ACP7: variants seen among roughly 807,000 people sequenced by gnomAD.
ACP7 encodes the protein acid phosphatase type 7.
In ACP7, 58 loss-of-function variants were observed where a neutral mutation model predicts 60.6. The observed-to-expected ratio is 0.96, with a 90% CI of 0.77 to 1.19. The LOEUF is 1.19. Among genes scored for constraint, ACP7 ranks in the 50% most tolerant of loss-of-function variants. The pLI, the probability that ACP7 is intolerant of heterozygous loss-of-function variation, is 0.00. For synonymous variants in ACP7, 237 were observed against 232.6 expected (o/e 1.02, Z -0.17); for missense variants, 574 against 596.2 (o/e 0.96, Z 0.39).
intron 1 of ACP7, 50 bp from the exon 2 acceptor site, chr19:39,085,033 GGCTCAGAGA>G: frequency 2.1e-6 from 1 of 484,352 alleles, no homozygotes; most frequent in Non-Finnish European, 3.6e-6. Context: ...CTGTGAGTGA[GGCTCAGAGA>G]GCTCTGCTGC....
chr19:39,109,577 T>C (rs535740691), intron 12 of ACP7, among the ~76,000 whole-genome samples: 1 of 150,504 alleles, frequency 6.6e-6, no homozygotes, highest in Non-Finnish European at 1.5e-5. Flanking sequence ...TGGTGGTGCA[T>C]GCCTGTAATC....
In ACP7 at chr19:39,098,550, C is replaced by A. The variant is rs2073297822; in HGVS notation, c.214C>A (p.Leu72Ile). The A allele has an allele frequency of 6.2e-7, 1 of 1,613,116 alleles. No homozygotes were observed. The highest frequency in any genetic ancestry group is 2.2e-5 in the East Asian group (1 of 44,860). The change falls in exon 3 of 13, where the codon CTC becomes ATC. Residue 72 changes from leucine to isoleucine, a missense_variant. Coordinates refer to ENST00000331256, the MANE Select transcript of ACP7 (RefSeq NM_001004318.3). The stretch of plus-strand genomic sequence containing the variant: ...GTTGCAGCCGTCGGGGCCCCTGCCC[C>A]TCCGCGCCCAGGGCACCTTCGTCCC... ...FGLQPSGPLP[L>I]RAQGTFVPFV... is the part of the protein sequence containing the mutation.
At position 39,086,384 on chromosome 19, in the gene ACP7, A is replaced by G. The variant is rs375968539; in HGVS notation, c.121+994A>G. Among the ~76,000 whole-genome samples, 20 of 152,152 alleles carry G rather than the reference A, an allele frequency of 1.3e-4. No homozygotes were observed. The South Asian group carries it at 2.7e-3, about 21-fold the overall frequency. ...GTGGTGCATGCCTGTAATCTCAGCA[A>G]TTTGGGACACTGAGGTGGGTGGATC... On this transcript the variant is annotated intron_variant, in intron 2 of 12. Transcript: ENST00000331256.
At chr19:39,095,714 C>A (rs1257818739) in intron 2 of ACP7, among the ~76,000 whole-genome samples, 1 of 152,264 alleles carries the variant, frequency 6.6e-6, no homozygotes, top group Non-Finnish European at 1.5e-5. Flanking sequence ...CCCTTCTGCA[C>A]TGCCCTAGCA....
chr19:39,103,088 T>C (rs2073373812), intron 11 of ACP7, among the ~76,000 whole-genome samples: 1 of 152,036 alleles, frequency 6.6e-6, no homozygotes, highest in Non-Finnish European at 1.5e-5. Flanking sequence ...TCAGCCCACC[T>C]CGGCCTCCCA....
upstream of ACP7, among the ~76,000 whole-genome samples, chr19:39,084,114 C>T (rs545329216): frequency 9.3e-4 from 142 of 152,276 alleles, no homozygotes; most frequent in African/African-American, 3.4e-3. Context: ...TGGTGGCCGG[C>T]TCAGAGGTGG....
intron 12 of ACP7, among the ~76,000 whole-genome samples, chr19:39,109,296 C>T (rs1354431504): frequency 6.6e-6 from 1 of 152,060 alleles, no homozygotes; most frequent in South Asian, 2.1e-4. Flanking sequence ...ATGCACCGGG[C>T]GCAGACTTTT....
chr19:39,101,606 A>G, intron 11 of ACP7, 69 bp downstream of exon 11: 1 of 1,510,978 alleles, frequency 6.6e-7, no homozygotes, highest in South Asian at 1.2e-5. Flanking sequence ...ACTTTGTTCC[A>G]GACTGAGTGC....
chr19:39,103,903 T>C lies in ACP7; in HGVS notation c.1113+2366T>C, dbSNP rs550271644. On this transcript the variant is annotated intron_variant, in intron 11 of 12. Transcript: ENST00000331256. ...GTCTCGAATTCCTGGGCTTAAGTGATCCCCCAGCTCGGCCTTCCAAAGCTG... is the reference window on the plus strand; with the variant it reads ...GTCTCGAATTCCTGGGCTTAAGTGACCCCCCAGCTCGGCCTTCCAAAGCTG... Among the ~76,000 whole-genome samples the C allele has an allele frequency of 2.0e-4, 30 of 151,860 alleles. No homozygotes were observed. In the East Asian group the frequency reaches 5.9e-3, roughly 30 times the overall value.
At chr19:39,099,264 TG>T (rs2073312188) in intron 4 of ACP7, 122 bp downstream of exon 4, 4 of 1,135,466 alleles carry the variant, frequency 3.5e-6, no homozygotes, top group Admixed American at 3.9e-5. Flanking sequence ...GGGACAGGGC[TG>T]GGGCCAGTGT....
intron 2 of ACP7, among the ~76,000 whole-genome samples, chr19:39,090,819 C>G (rs971652036): frequency 7.6e-6 from 1 of 131,204 alleles, no homozygotes; most frequent in Non-Finnish European, 1.6e-5. Context: ...GTCTATTGTT[C>G]CTATTCAATA....
chr19:39,111,268 C>G lies in ACP7; in HGVS notation c.*1150C>G, dbSNP rs7258793. The G allele has an allele frequency of 0.3, 45,935 of 151,994 alleles. 7,265 individuals carry two copies. Among genetic ancestry groups the G allele is most frequent in the Middle Eastern group, 0.38 (112 of 296 alleles). The allele number at this position is 151,994 out of a possible 1,614,324, so 9.4% of individuals were successfully genotyped here. A position where few individuals can be genotyped will look rare whatever the true frequency, so the allele number is the denominator to read the frequency against. Reference sequence around the variant, plus strand: ...CCAGCCTGGGCAACACAGCGAAACCCTTTCTCTACCAAAAATATGAAATTT... The same window carrying G: ...CCAGCCTGGGCAACACAGCGAAACCGTTTCTCTACCAAAAATATGAAATTT... On this transcript the variant is annotated 3_prime_UTR_variant, in exon 13 of 13. Transcript: ENST00000331256.
In ACP7 at chr19:39,111,160, G is replaced by C. The variant is rs1204326713; in HGVS notation, c.*1042G>C. ...CCTGAGACAGAAATGTGCCTGGCCG[G>C]CTGGGTACAGTAACTCACATCTGTA... is the stretch of plus-strand genomic sequence containing the variant. On this transcript the variant is annotated 3_prime_UTR_variant, in exon 13 of 13. Transcript: ENST00000331256. The C allele has an allele frequency of 6.6e-6, 1 of 152,312 alleles. No homozygotes were observed. The highest frequency in any genetic ancestry group is 1.5e-5 in the Non-Finnish European group (1 of 68,132). The allele number at this position is 152,312 out of a possible 1,614,324, so 9.4% of individuals were successfully genotyped here. A position where few individuals can be genotyped will look rare whatever the true frequency, so the allele number is the denominator to read the frequency against.
intron 2 of ACP7, among the ~76,000 whole-genome samples, chr19:39,086,641 A>AGG (rs34365418): frequency 1.6e-3 from 118 of 74,972 alleles, no homozygotes; most frequent in East Asian, 2.9e-3. Flanking sequence ...AAAAAAAAAA[A>AGG]GGGGGGGGGG....
In ACP7 at chr19:39,098,615, A is replaced by C; in HGVS notation, c.279A>C (p.Ile93=). Residue 93 remains isoleucine (I), a synonymous_variant, in exon 3 of 13, where the codon ATA becomes ATC. Transcript: ENST00000331256. ...GCATTCTCCGGCGGAAGCTCTACATACACCGAGTCACGCTTCGCAAGCTGC... is the reference window on the plus strand; with the variant it reads ...GCATTCTCCGGCGGAAGCTCTACATCCACCGAGTCACGCTTCGCAAGCTGC... ...DGGILRRKLY[I]HRVTLRKLLP... is the part of the protein sequence containing the mutation. The C allele has an allele frequency of 6.2e-7, 1 of 1,613,322 alleles. No homozygotes were observed. Among genetic ancestry groups the C allele is most frequent in the African/African-American group, 1.3e-5 (1 of 75,004 alleles).
upstream of ACP7, among the ~76,000 whole-genome samples, chr19:39,084,140 T>C (rs2073113450): frequency 6.6e-6 from 1 of 151,784 alleles, no homozygotes; most frequent in African/African-American, 2.4e-5. Flanking sequence ...CGGAGACGTA[T>C]CATAACCTTC....
intron 2 of ACP7, among the ~76,000 whole-genome samples, chr19:39,086,184 C>A (rs2073139102): frequency 6.6e-6 from 1 of 152,064 alleles, no homozygotes; most frequent in African/African-American, 2.4e-5. Flanking sequence ...AAATCTTAGA[C>A]AGGTGTGGTG....
intron 5 of ACP7, 32 bp downstream of exon 5, chr19:39,100,382 G>A (rs1482960552): frequency 6.2e-7 from 1 of 1,611,616 alleles, no homozygotes; most frequent in Admixed American, 1.7e-5. Flanking sequence ...GGTGGGCGAG[G>A]GCTGGATCAA....
In ACP7 at chr19:39,107,029, G is replaced by A. The variant is rs764013644; in HGVS notation, c.1196G>A (p.Arg399Gln). 84 of 1,613,944 alleles carry A rather than the reference G, an allele frequency of 5.2e-5. No homozygotes were observed. The highest frequency in any genetic ancestry group is 1.6e-4 in the Middle Eastern group (1 of 6,082). Residue 399 changes from arginine to glutamine, a missense_variant, in exon 12 of 13, where the codon CGG becomes CAG. Transcript: ENST00000331256. ...AVRVKEYGYT[R>Q]LHILNGTHIH... ...CGTGTGAAGGAGTACGGGTATACGC[G>A]GCTGCACATCCTCAACGGGACCCAC...
Sources: allele counts gnomAD v4.1 joint callset (sites outside exome capture counted in the v4.1 genomes callset), GRCh38; gene constraint gnomAD v4.1.1; transcripts MANE v1.5; gene names NCBI Gene and HGNC (gene_info 2026-07-23, HGNC 2026-07-21).